The following CELF1 variants were observed in gnomAD, a reference collection of about 807,000 sequenced individuals.
The protein encoded by CELF1 is 50 kDa nuclear polyadenylated RNA-binding protein.
Under a neutral mutation model 61.8 loss-of-function variants are expected in CELF1, and 10 were observed. The ratio of observed to expected loss-of-function variants is 0.16; its 90% CI spans 0.10 to 0.27. The LOEUF (loss-of-function observed/expected upper bound fraction) is 0.27. Ranked by LOEUF, CELF1 falls within the 10% of genes least tolerant of loss-of-function variation. CELF1 has a pLI of 1.00. For missense variants in CELF1, 380 were observed against 639.1 expected, an observed-to-expected ratio of 0.59 and a Z score of 4.37; for synonymous variants, 236 against 225.1, an observed-to-expected ratio of 1.05 and a Z score of -0.43.
chr11:47,554,960 G>A (rs1177907619), upstream of CELF1, among the ~76,000 whole-genome samples: 3 of 152,072 alleles, frequency 2.0e-5, no homozygotes, highest in South Asian at 2.1e-4. Context: ...CACTGCACCC[G>A]GCCTCACAGT....
intron 1 of CELF1, among the ~76,000 whole-genome samples, chr11:47,511,065 T>A (rs890330395): frequency 6.6e-6 from 1 of 151,862 alleles, no homozygotes; most frequent in Non-Finnish European, 1.5e-5. Context: ...CATGTGTCTG[T>A]AGTCCCAGCT....
chr11:47,532,629 C>G (rs1565895192), intron 1 of CELF1, among the ~76,000 whole-genome samples: 1 of 152,136 alleles, frequency 6.6e-6, no homozygotes, highest in Non-Finnish European at 1.5e-5. Context: ...CAGAACAGTG[C>G]TGGGAAAATT....
At chr11:47,528,222 GAT>G (rs2153681685) in intron 1 of CELF1, among the ~76,000 whole-genome samples, 1 of 151,426 alleles carries the variant, frequency 6.6e-6, no homozygotes, top group South Asian at 2.1e-4. Flanking sequence ...TATGGCCTTT[GAT>G]ATGTCAGTTC....
chr11:47,497,691 A>G (rs529040293), intron 3 of CELF1, among the ~76,000 whole-genome samples: 1 of 152,230 alleles, frequency 6.6e-6, no homozygotes, highest in Non-Finnish European at 1.5e-5. Flanking sequence ...TAGCTCTCGA[A>G]CTTTAGTGTG....
At chr11:47,548,521 C>T (rs1417401271) in intron 1 of CELF1, among the ~76,000 whole-genome samples, 2 of 152,022 alleles carry the variant, frequency 1.3e-5, no homozygotes, top group Non-Finnish European at 2.9e-5. Context: ...AGACAAATTA[C>T]AGAATGGGAG....
chr11:47,500,969 C>T, intron 1 of CELF1, 37 bp from the exon 2 acceptor site: 3 of 397,954 alleles, frequency 7.5e-6, no homozygotes, highest in Non-Finnish European at 1.3e-5. Context: ...ACTAAACACA[C>T]AGAGTTAACG....
At chr11:47,479,733 C>T (rs1380406315) in intron 9 of CELF1, among the ~76,000 whole-genome samples, 3 of 152,216 alleles carry the variant, frequency 2.0e-5, no homozygotes, top group Non-Finnish European at 2.9e-5. Flanking sequence ...AAAACTTTTG[C>T]TCCAACTAAA....
upstream of CELF1, among the ~76,000 whole-genome samples, chr11:47,556,017 A>G (rs1299877634): frequency 6.6e-6 from 1 of 151,802 alleles, no homozygotes; most frequent in African/African-American, 2.4e-5. Flanking sequence ...AAAAAAAAAA[A>G]AAGCCAGTGT....
Position 47,467,806 on chromosome 11 carries a change from G to C in CELF1, c.*4424C>G, listed in dbSNP as rs778493500. 3 of 152,162 alleles carry C rather than the reference G, an allele frequency of 2.0e-5. No individual in the cohort carries two copies. Among genetic ancestry groups the C allele is most frequent in the Non-Finnish European group, 2.9e-5 (2 of 68,030 alleles). The allele number at this position is 152,162 out of a possible 1,614,324, so 9.4% of individuals were successfully genotyped here. A position where few individuals can be genotyped will look rare whatever the true frequency, so the allele number is the denominator to read the frequency against. On this transcript the variant is annotated 3_prime_UTR_variant, in exon 15 of 15. Transcript: ENST00000687097. Reference sequence around the variant, plus strand: ...CACGAAGTGACAGTCTAAGTGCACAGGCAAACGCTCTAAGGGCAATAGAGG... The same window carrying C: ...CACGAAGTGACAGTCTAAGTGCACACGCAAACGCTCTAAGGGCAATAGAGG...
chr11:47,474,439 C>A (rs2079081579), intron 13 of CELF1, among the ~76,000 whole-genome samples: 1 of 152,218 alleles, frequency 6.6e-6, no homozygotes, highest in Admixed American at 6.5e-5. Context: ...GAGCATTCTG[C>A]ATAAAATGCA....
chr11:47,509,071 C>CA (rs1425143301), intron 1 of CELF1, among the ~76,000 whole-genome samples: 1 of 152,076 alleles, frequency 6.6e-6, no homozygotes, highest in Admixed American at 6.5e-5. Context: ...TGCCCGGCCT[C>CA]AAAAAAGTTA....
chr11:47,557,724 C>T (rs1406636030), upstream of CELF1: 1 of 150,426 alleles, frequency 6.6e-6, no homozygotes, highest in Non-Finnish European at 1.5e-5. Flanking sequence ...TTAGTGCAGA[C>T]ACCTGATTGA....
At chr11:47,494,976 T>G (rs777722215) in intron 3 of CELF1, among the ~76,000 whole-genome samples, 5 of 152,228 alleles carry the variant, frequency 3.3e-5, no homozygotes, top group Non-Finnish European at 4.4e-5. Flanking sequence ...GGTCTCGAAC[T>G]CCTGGCCTCA....
chr11:47,480,555 GCTGGTAGTGGC>G (rs1262248192), intron 9 of CELF1, among the ~76,000 whole-genome samples: 10 of 152,182 alleles, frequency 6.6e-5, no homozygotes, highest in Non-Finnish European at 1.5e-4. Context: ...TCATGTACTT[GCTGGTAGTGGC>G]AATGACAACA....
chr11:47,492,713 CAG>C (rs201299082), intron 3 of CELF1, among the ~76,000 whole-genome samples: 2,631 of 152,208 alleles, frequency 0.017, 47 homozygotes, highest in African/African-American at 0.048. Flanking sequence ...GCCTGGGTGG[CAG>C]AGTGAGATCT....
At chr11:47,546,566 T>G (rs2096957241) in intron 1 of CELF1, among the ~76,000 whole-genome samples, 2 of 152,184 alleles carry the variant, frequency 1.3e-5, no homozygotes, top group Admixed American at 1.3e-4. Flanking sequence ...GAGAGACCTA[T>G]GAGTATCTTT....
At chr11:47,510,488 G>C (rs1260236065) in intron 1 of CELF1, among the ~76,000 whole-genome samples, 2 of 152,000 alleles carry the variant, frequency 1.3e-5, no homozygotes, top group Non-Finnish European at 2.9e-5. Flanking sequence ...TCATTAGTAA[G>C]ACTCACTGTT....
chr11:47,530,191 A>C (rs2096418001), intron 1 of CELF1, among the ~76,000 whole-genome samples: 1 of 152,218 alleles, frequency 6.6e-6, no homozygotes, highest in Non-Finnish European at 1.5e-5. Context: ...TGGGAACCTT[A>C]ACTTTAAAAT....
At chr11:47,491,852 T>C (rs1305012147) in intron 3 of CELF1, among the ~76,000 whole-genome samples, 2 of 152,222 alleles carry the variant, frequency 1.3e-5, no homozygotes, top group Non-Finnish European at 2.9e-5. Flanking sequence ...AAGGAGAAAT[T>C]CCTTAAGTTT....
Sources: gnomAD v4.1 joint callset for allele counts (sites outside exome capture counted in the v4.1 genomes callset) on GRCh38, gnomAD v4.1.1 for gene constraint, MANE v1.5 for transcripts, NCBI Gene and HGNC (gene_info 2026-07-23, HGNC 2026-07-21) for gene names.